Variants in NOS1AP observed in about 807,000 individuals in gnomAD.
The protein encoded by NOS1AP is carboxyl-terminal PDZ ligand of neuronal nitric oxide synthase protein.
Under a neutral mutation model 56.2 loss-of-function variants are expected in NOS1AP, and 21 were observed. The ratio of observed to expected loss-of-function variants is 0.37; its 90% CI spans 0.26 to 0.54. NOS1AP has a LOEUF of 0.54. NOS1AP is among the 20% of genes least tolerant of loss of function. The pLI is 0.84. For missense variants in NOS1AP, 522 were observed against 657.8 expected (o/e 0.79, Z 2.26); for synonymous variants, 270 against 274.6 (o/e 0.98, Z 0.17).
At chr1:162,138,979 A>C (rs1649118042) in intron 1 of NOS1AP, among the ~76,000 whole-genome samples, 1 of 152,106 alleles carries the variant, frequency 6.6e-6, no homozygotes, top group African/African-American at 2.4e-5. Flanking sequence ...ATACTTGCAG[A>C]TGCTTCCTGG....
rs111545442 is a variant in NOS1AP at position 162,300,123 on chromosome 1, G to A, written c.271-510G>A. Among the ~76,000 whole-genome samples the A allele has an allele frequency of 3.2e-3, 483 of 152,242 alleles. 2 individuals carry two copies. Among genetic ancestry groups the A allele is most frequent in the Non-Finnish European group, 6.0e-3 (407 of 68,020 alleles). On this transcript the variant is annotated intron_variant, in intron 3 of 9. Coordinates refer to ENST00000361897, the MANE Select transcript of NOS1AP (RefSeq NM_014697.3). ...GGATTCTCTGTCCTTGCACCTGGAG[G>A]TTGAGCCTGAGAGGGTGTAGTTGGC...
At chr1:162,110,623 T>C (rs1399652577) in intron 1 of NOS1AP, among the ~76,000 whole-genome samples, 1 of 152,216 alleles carries the variant, frequency 6.6e-6, no homozygotes, top group African/African-American at 2.4e-5. Flanking sequence ...GTGATGCCAA[T>C]GACCTATCAG....
intron 5 of NOS1AP, among the ~76,000 whole-genome samples, chr1:162,340,420 A>T (rs990764478): frequency 6.6e-6 from 1 of 152,214 alleles, no homozygotes; most frequent in Non-Finnish European, 1.5e-5. Context: ...GGATGTTAGC[A>T]TACATAAGTA....
chr1:162,204,970 T>C (rs1375091014), intron 2 of NOS1AP, among the ~76,000 whole-genome samples: 1 of 152,166 alleles, frequency 6.6e-6, no homozygotes, highest in African/African-American at 2.4e-5. Context: ...TAAGAAGATA[T>C]CCAGGTTCTC....
rs1158463804 is a variant in NOS1AP, at chr1:162,251,873, T to TG, written c.178-35471_178-35470insG. Among the ~76,000 whole-genome samples, 49 of 133,308 alleles carry TG rather than the reference T, an allele frequency of 3.7e-4. No homozygotes were observed. The Middle Eastern group carries it at 0.011, about 31-fold the overall frequency. 87.5% of individuals were successfully genotyped at this position (133,308 alleles called of 152,430 possible). On this transcript the variant is annotated intron_variant, in intron 2 of 9. Transcript: ENST00000361897. The stretch of plus-strand genomic sequence containing the variant: ...TAGCTAGTTGTTTTTTTTTTTGTTT[T>TG]TTTTTTTTTTTTTTTTGTGGAGACA...
At chr1:162,232,545 T>C (rs1487186858) in intron 2 of NOS1AP, among the ~76,000 whole-genome samples, 1 of 151,628 alleles carries the variant, frequency 6.6e-6, no homozygotes, top group Non-Finnish European at 1.5e-5. Flanking sequence ...TGTGTGTGTG[T>C]GTGTGTGTCT....
At chr1:162,309,752 A>G (rs1017312798) in intron 4 of NOS1AP, among the ~76,000 whole-genome samples, 1 of 152,212 alleles carries the variant, frequency 6.6e-6, no homozygotes, top group African/African-American at 2.4e-5. Flanking sequence ...ACAACTTAAT[A>G]GTGAGATCAA....
At chr1:162,222,912 G>A (rs1345916039) in intron 2 of NOS1AP, among the ~76,000 whole-genome samples, 1 of 152,190 alleles carries the variant, frequency 6.6e-6, no homozygotes, top group Non-Finnish European at 1.5e-5. Context: ...GGAAGAAAAT[G>A]GGTGTGATAG....
chr1:162,318,110 G>C (rs149955635), intron 4 of NOS1AP, among the ~76,000 whole-genome samples: 1 of 152,236 alleles, frequency 6.6e-6, no homozygotes, highest in African/African-American at 2.4e-5. Flanking sequence ...GCCTTCTGCT[G>C]TCTCTGTCTT....
rs560759717 is a variant in NOS1AP at position 162,235,504 on chromosome 1, G to C, written c.178-51840G>C. Among the ~76,000 whole-genome samples the C allele has an allele frequency of 7.7e-4, 118 of 152,308 alleles. 1 individual carries two copies. Among genetic ancestry groups the C allele is most frequent in the Admixed American group, 1.0e-3 (16 of 15,298 alleles). On this transcript the variant is annotated intron_variant, in intron 2 of 9. Coordinates refer to ENST00000361897, the MANE Select transcript of NOS1AP (RefSeq NM_014697.3). Reference sequence around the variant, plus strand: ...CTGGAAAGGGGCCATGGGGAGCCTCGTCAAGGCTGACTTGTCAAAGGCTCT... The same window carrying C: ...CTGGAAAGGGGCCATGGGGAGCCTCCTCAAGGCTGACTTGTCAAAGGCTCT...
chr1:162,318,849 C>T (rs1236345104), intron 4 of NOS1AP, among the ~76,000 whole-genome samples: 2 of 152,110 alleles, frequency 1.3e-5, no homozygotes, highest in South Asian at 4.2e-4. Flanking sequence ...CTTCCATGTT[C>T]CTTAGTTCTT....
intron 1 of NOS1AP, among the ~76,000 whole-genome samples, chr1:162,147,028 T>A (rs577957014): frequency 6.6e-6 from 1 of 152,310 alleles, no homozygotes; most frequent in Non-Finnish European, 1.5e-5. Context: ...GATGCATTTA[T>A]TTTTGATTGA....
intron 1 of NOS1AP, among the ~76,000 whole-genome samples, chr1:162,091,475 T>C (rs4657140): frequency 0.51 from 77,138 of 152,080 alleles, 21,738 homozygotes; most frequent in Non-Finnish European, 0.64. Context: ...AAATTTGCTA[T>C]TTAGTTGCTC....
intron 8 of NOS1AP, among the ~76,000 whole-genome samples, chr1:162,358,509 A>T (rs1657775902): frequency 1.3e-5 from 2 of 152,198 alleles, no homozygotes; most frequent in Non-Finnish European, 2.9e-5. Context: ...AGGTGTTCCC[A>T]AAACAGCAAC....
At chr1:162,263,702 A>C (rs911338182) in intron 2 of NOS1AP, among the ~76,000 whole-genome samples, 1 of 152,048 alleles carries the variant, frequency 6.6e-6, no homozygotes, top group Non-Finnish European at 1.5e-5. Flanking sequence ...TCTGGCTTAG[A>C]CTTCTTCTGA....
rs558210422 is a variant in NOS1AP, at chr1:162,147,011, A to G, written c.106-7394A>G. 2.0e-5 allele frequency among the ~76,000 whole-genome samples: 3 copies of G among 152,312 alleles called. No homozygotes were observed. In the East Asian group the frequency reaches 5.8e-4, roughly 29 times the overall value. The stretch of plus-strand genomic sequence containing the variant: ...CTACTCCAACTTTATCAGAAGCAGA[A>G]TAATCTGATGCATTTATTTTTGATT... On this transcript the variant is annotated intron_variant, in intron 1 of 9. Coordinates refer to ENST00000361897, the MANE Select transcript of NOS1AP (RefSeq NM_014697.3).
chr1:162,315,381 C>T (rs978753705), intron 4 of NOS1AP, among the ~76,000 whole-genome samples: 1 of 152,180 alleles, frequency 6.6e-6, no homozygotes, highest in Non-Finnish European at 1.5e-5. Flanking sequence ...TAGATACTGC[C>T]ACAGTGCCCT....
intron 2 of NOS1AP, among the ~76,000 whole-genome samples, chr1:162,197,031 G>T (rs6663854): frequency 0.99 from 151,438 of 152,306 alleles, 75,296 homozygotes; most frequent in Middle Eastern, 1. Flanking sequence ...CCTTTTCTTC[G>T]CCCATTCCAT....
chr1:162,322,676 C>T (rs1312954534), intron 4 of NOS1AP, among the ~76,000 whole-genome samples: 2 of 152,136 alleles, frequency 1.3e-5, no homozygotes, highest in Non-Finnish European at 2.9e-5. Context: ...AATCCAGCAC[C>T]TCTTACCCAC....
Sources: gnomAD v4.1 joint callset for allele counts (sites outside exome capture counted in the v4.1 genomes callset) on GRCh38, gnomAD v4.1.1 for gene constraint, MANE v1.5 for transcripts, NCBI Gene and HGNC (gene_info 2026-07-23, HGNC 2026-07-21) for gene names.